Variants in DLGAP2 observed in about 807,000 individuals in gnomAD.
DLGAP2 encodes DLG associated protein 2.
Under a neutral mutation model 100.3 loss-of-function variants are expected in DLGAP2, and 26 were observed. That is an observed-to-expected ratio of 0.26 (90% CI 0.19 to 0.36). DLGAP2 has a LOEUF of 0.36. Ranked by LOEUF, DLGAP2 falls within the 10% of genes least tolerant of loss-of-function variation. The pLI is 1.00. For synonymous variants in DLGAP2, 886 were observed against 630.1 expected (o/e 1.41, Z -6.08); for missense variants, 1,858 against 1,453.2 (o/e 1.28, Z -4.53).
intron 2 of DLGAP2, among the ~76,000 whole-genome samples, chr8:1,136,876 C>T (rs1461803281): frequency 6.6e-6 from 1 of 152,138 alleles, no homozygotes; most frequent in African/African-American, 2.4e-5. Context: ...AGTAAATGCT[C>T]AGAACAAAGA....
In DLGAP2 at chr8:906,956, C is replaced by T. The variant is rs566341257; in HGVS notation, c.19-956C>T. Reference sequence around the variant, plus strand: ...TCTTTTTTCAATATAGAAGAATTGGCGGGGAGAGGGGGGATGGAGGAGAAG... The same window carrying T: ...TCTTTTTTCAATATAGAAGAATTGGTGGGGAGAGGGGGGATGGAGGAGAAG... On this transcript the variant is annotated intron_variant, in intron 1 of 14. Transcript: ENST00000637795. Among the ~76,000 whole-genome samples the T allele has an allele frequency of 9.9e-5, 15 of 151,996 alleles. No individual in the cohort carries two copies. In the East Asian group the frequency reaches 1.9e-3, roughly 20 times the overall value.
chr8:1,193,221 A>T (rs892279943), intron 2 of DLGAP2, among the ~76,000 whole-genome samples: 1 of 152,152 alleles, frequency 6.6e-6, no homozygotes, highest in Non-Finnish European at 1.5e-5. Flanking sequence ...TGGTATTTCT[A>T]GTTCTAGATC....
At chr8:1,253,925 C>G (rs1343246162) in intron 2 of DLGAP2, among the ~76,000 whole-genome samples, 14 of 152,148 alleles carry the variant, frequency 9.2e-5, no homozygotes, top group Non-Finnish European at 2.9e-5. Context: ...ACATATGTAA[C>G]CTGTGATGAA....
intron 3 of DLGAP2, among the ~76,000 whole-genome samples, chr8:1,286,268 G>A (rs749444023): frequency 3.3e-5 from 5 of 152,150 alleles, no homozygotes; most frequent in African/African-American, 7.2e-5. Context: ...TAAGTTTCCT[G>A]AGGCCTCCTC....
At chr8:997,226 C>G (rs1800807081) in intron 2 of DLGAP2, among the ~76,000 whole-genome samples, 1 of 152,078 alleles carries the variant, frequency 6.6e-6, no homozygotes, top group African/African-American at 2.4e-5. Context: ...AATTTTCAGA[C>G]TGAAATATTA....
At chr8:1,115,667 G>A (rs935536137) in intron 2 of DLGAP2, among the ~76,000 whole-genome samples, 2 of 152,164 alleles carry the variant, frequency 1.3e-5, no homozygotes, top group African/African-American at 4.8e-5. Context: ...CGGAGGTGTA[G>A]CTGTGAAGTG....
At chr8:1,527,117 A>G (rs115418375) in intron 4 of DLGAP2, among the ~76,000 whole-genome samples, 2,068 of 152,306 alleles carry the variant, frequency 0.014, 53 homozygotes, top group African/African-American at 0.047. Context: ...CATCGTCTAC[A>G]CCGCGGGCTC....
At chr8:1,071,405 T>A (rs1440937361) in intron 2 of DLGAP2, among the ~76,000 whole-genome samples, 1 of 152,096 alleles carries the variant, frequency 6.6e-6, no homozygotes, top group African/African-American at 2.4e-5. Context: ...CCACCCTGGA[T>A]GATGTGCAGT....
At chr8:1,043,649 G>T (rs1238998955) in intron 2 of DLGAP2, among the ~76,000 whole-genome samples, 1 of 152,052 alleles carries the variant, frequency 6.6e-6, no homozygotes, top group East Asian at 1.9e-4. Context: ...CATGAGCTGT[G>T]CTGCCTTTTC....
chr8:913,578 A>T (rs1798532632), intron 2 of DLGAP2, among the ~76,000 whole-genome samples: 2 of 152,256 alleles, frequency 1.3e-5, no homozygotes, highest in South Asian at 4.1e-4. Context: ...TACTAATAGT[A>T]GATGTTACAT....
chr8:1,237,418 TGCCGTGTCTAGTTCTCTCACATGGC>T (rs1203164653), intron 2 of DLGAP2, among the ~76,000 whole-genome samples: 1 of 122,702 alleles, frequency 8.1e-6, no homozygotes. Flanking sequence ...TATCACATGG[TGCCGTGTCTAGTTCTCTCACATGGC>T]GCCGTGTCTA....
rs186886545 is a variant in DLGAP2 at position 1,346,904 on chromosome 8, G to A, written c.106+88021G>A. Reference sequence around the variant, plus strand: ...GCTGCGTTGCACTCACGGTAGCTGTGTGGAGGTTGAGTTCCCATACACGTC... The same window carrying A: ...GCTGCGTTGCACTCACGGTAGCTGTATGGAGGTTGAGTTCCCATACACGTC... On this transcript the variant is annotated intron_variant, in intron 3 of 14. Coordinates refer to ENST00000637795, the MANE Select transcript of DLGAP2 (RefSeq NM_001346810.2). 7.9e-5 allele frequency among the ~76,000 whole-genome samples: 12 copies of A among 151,936 alleles called. 1 individual carries two copies. Among genetic ancestry groups the A allele is most frequent in the Admixed American group, 7.2e-4 (11 of 15,278 alleles).
At chr8:1,254,844 G>T (rs1453906243) in intron 2 of DLGAP2, among the ~76,000 whole-genome samples, 1 of 150,592 alleles carries the variant, frequency 6.6e-6, no homozygotes, top group Non-Finnish European at 1.5e-5. Context: ...CTTTTCCTCC[G>T]TGGGCCTCAC....
chr8:948,501 G>A (rs1254794786), intron 2 of DLGAP2, among the ~76,000 whole-genome samples: 1 of 152,224 alleles, frequency 6.6e-6, no homozygotes, highest in African/African-American at 2.4e-5. Context: ...GGTGATGGCG[G>A]GGTCACAGCA....
chr8:1,659,541 A>G lies in DLGAP2; in HGVS notation c.1811-8788A>G, dbSNP rs546617886. Among the ~76,000 whole-genome samples, 11 of 152,248 alleles carry G rather than the reference A, an allele frequency of 7.2e-5. No individual in the cohort carries two copies. The East Asian group carries it at 1.7e-3, about 24-fold the overall frequency. On this transcript the variant is annotated intron_variant, in intron 8 of 14. Coordinates refer to ENST00000637795, the MANE Select transcript of DLGAP2 (RefSeq NM_001346810.2). Reference sequence around the variant, plus strand: ...CTGGGTGCTCCTGTATTGGGTGTGTATATATTTAGGATAGTTAGCTCTTCT... The same window carrying G: ...CTGGGTGCTCCTGTATTGGGTGTGTGTATATTTAGGATAGTTAGCTCTTCT...
At chr8:1,579,545 A>G (rs1304516760) in intron 6 of DLGAP2, among the ~76,000 whole-genome samples, 2 of 152,172 alleles carry the variant, frequency 1.3e-5, no homozygotes, top group Admixed American at 6.5e-5. Flanking sequence ...AATATAAGTA[A>G]CAAATGTTTA....
At chr8:1,662,416 G>A (rs1472141841) in intron 8 of DLGAP2, among the ~76,000 whole-genome samples, 1 of 152,162 alleles carries the variant, frequency 6.6e-6, no homozygotes, top group South Asian at 2.1e-4. Context: ...GCTGAAATAA[G>A]TGCCTCTTTC....
chr8:1,012,294 G>A (rs1359927394), intron 2 of DLGAP2, among the ~76,000 whole-genome samples: 2 of 152,188 alleles, frequency 1.3e-5, no homozygotes, highest in Admixed American at 1.3e-4. Flanking sequence ...TCTGTTGCAC[G>A]GATTACAGTT....
chr8:1,134,757 C>G (rs967157809), intron 2 of DLGAP2, among the ~76,000 whole-genome samples: 1 of 152,072 alleles, frequency 6.6e-6, no homozygotes, highest in Non-Finnish European at 1.5e-5. Flanking sequence ...GAAGCAGGCC[C>G]ATATTACGTG....
Sources: allele counts gnomAD v4.1 joint callset (sites outside exome capture counted in the v4.1 genomes callset), GRCh38; gene constraint gnomAD v4.1.1; transcripts MANE v1.5; gene names NCBI Gene and HGNC (gene_info 2026-07-23, HGNC 2026-07-21).